Variants in CAMK2G observed in about 807,000 individuals in gnomAD.
CAMK2G encodes the protein calcium/calmodulin-dependent protein kinase type II subunit gamma.
CAMK2G carries 23 observed loss-of-function variants against 88.7 expected under a neutral mutation model. The ratio of observed to expected loss-of-function variants is 0.26; its 90% CI spans 0.19 to 0.37. CAMK2G has a LOEUF of 0.37. CAMK2G is among the 10% of genes least tolerant of loss of function. CAMK2G has a pLI of 1.00. For synonymous variants in CAMK2G, 263 were observed against 294.8 expected, an observed-to-expected ratio of 0.89 and a Z score of 1.11; for missense variants, 476 against 780.8, an observed-to-expected ratio of 0.61 and a Z score of 4.65.
rs765038148 is a variant in CAMK2G, at chr10:73,842,441, C to A, written c.903+17G>T. The A allele has an allele frequency of 6.3e-7, 1 of 1,592,114 alleles. No individual in the cohort carries two copies. The highest frequency in any genetic ancestry group is 1.1e-5 in the South Asian group (1 of 90,684). On this transcript the variant is annotated intron_variant, in intron 11 of 22. Transcript: ENST00000423381. The surrounding 1 kb of genome is among the most constrained non-coding windows in gnomAD (Gnocchi z 4.6). Reference sequence around the variant, plus strand: ...GCATGATGTCAAGGAGGCTGGCAGCCTAGAAACGACACTCACCTTCAGTTT... The same window carrying A: ...GCATGATGTCAAGGAGGCTGGCAGCATAGAAACGACACTCACCTTCAGTTT...
chr10:73,861,152 G>C (rs2095353342), intron 2 of CAMK2G, among the ~76,000 whole-genome samples: 1 of 152,142 alleles, frequency 6.6e-6, no homozygotes, highest in African/African-American at 2.4e-5. Flanking sequence ...TCAGCCTCCT[G>C]AATAGCTGGA....
At chr10:73,821,616 C>T in intron 18 of CAMK2G, 66 bp downstream of exon 18, 2 of 1,207,796 alleles carry the variant, frequency 1.7e-6, no homozygotes, top group South Asian at 2.5e-5. Context: ...AAGGCAGGTG[C>T]CCCATTGGAG....
intron 4 of CAMK2G, chr10:73,852,859 C>A (rs946107609): frequency 3.2e-6 from 1 of 314,784 alleles, no homozygotes. Context: ...TCTGATTTCT[C>A]AGGATTTTTA....
chr10:73,828,189 C>T (rs1367411941), intron 14 of CAMK2G, 68 bp from the exon 15 acceptor site: 4 of 1,348,528 alleles, frequency 3.0e-6, no homozygotes, highest in East Asian at 4.6e-5. Flanking sequence ...CACAGAGACG[C>T]TGCAGGTTAG....
At chr10:73,816,986 G>T (rs1282193391) in intron 21 of CAMK2G, 37 bp downstream of exon 21, 1 of 1,613,778 alleles carries the variant, frequency 6.2e-7, no homozygotes, top group East Asian at 2.2e-5. Context: ...GGGTAAAGGG[G>T]CAGGCAGGAG....
intron 13 of CAMK2G, among the ~76,000 whole-genome samples, chr10:73,838,716 C>T (rs2093482881): frequency 6.6e-6 from 1 of 152,184 alleles, no homozygotes; most frequent in African/African-American, 2.4e-5. Flanking sequence ...TTTAAATGTG[C>T]TGACTCCTGT....
At chr10:73,866,566 TGACTGAG>T (rs2095602762) in intron 2 of CAMK2G, among the ~76,000 whole-genome samples, 1 of 152,206 alleles carries the variant, frequency 6.6e-6, no homozygotes, top group Admixed American at 6.5e-5. Context: ...ATTCCTACTC[TGACTGAG>T]GACTCTCCCA....
intron 4 of CAMK2G, 182 bp from the exon 5 acceptor site, chr10:73,852,501 G>A: frequency 3.3e-6 from 2 of 604,860 alleles, no homozygotes; most frequent in South Asian, 2.1e-5. Context: ...TCTCCTTGAG[G>A]TATCATGGGC....
At chr10:73,845,242 G>A (rs563750698) in intron 10 of CAMK2G, among the ~76,000 whole-genome samples, 8 of 152,070 alleles carry the variant, frequency 5.3e-5, no homozygotes, top group Non-Finnish European at 1.0e-4. Flanking sequence ...ACCACCCACT[G>A]AATGTGTCTG....
chr10:73,863,508 G>T (rs1230084980), intron 2 of CAMK2G, among the ~76,000 whole-genome samples: 4 of 152,212 alleles, frequency 2.6e-5, no homozygotes, highest in Admixed American at 6.5e-5. Flanking sequence ...CAAAGCTACA[G>T]ACCCACGGCC....
intron 1 of CAMK2G, 169 bp from the exon 2 acceptor site, chr10:73,873,252 A>C: frequency 3.7e-6 from 4 of 1,068,974 alleles, no homozygotes; most frequent in Non-Finnish European, 5.4e-6. Flanking sequence ...AGGCAAAAGG[A>C]CGCGGCCACC....
At chr10:73,847,620 T>C (rs560327739) in intron 9 of CAMK2G, among the ~76,000 whole-genome samples, 1 of 152,290 alleles carries the variant, frequency 6.6e-6, no homozygotes, top group East Asian at 1.9e-4. Flanking sequence ...CCCAGCTCTA[T>C]ACTTAGGAGG....
At chr10:73,818,795 C>T in intron 19 of CAMK2G, 1 of 456,292 alleles carries the variant, frequency 2.2e-6, no homozygotes, top group Non-Finnish European at 4.4e-6. Flanking sequence ...GATGACCTGA[C>T]TGGGGCCCCA....
chr10:73,865,860 G>A (rs998726655), intron 2 of CAMK2G, among the ~76,000 whole-genome samples: 4 of 107,894 alleles, frequency 3.7e-5, no homozygotes, highest in Admixed American at 1.0e-4. Flanking sequence ...GCTCATCCCC[G>A]CCCCTCCCAC....
chr10:73,815,329 A>G, intron 21 of CAMK2G, 82 bp from the exon 22 acceptor site: 1 of 921,690 alleles, frequency 1.1e-6, no homozygotes, highest in East Asian at 2.5e-5. Flanking sequence ...TCCAAGTCTT[A>G]CCATCTCCCA....
At chr10:73,849,946 T>A (rs140057427) in intron 5 of CAMK2G, among the ~76,000 whole-genome samples, 35 of 152,236 alleles carry the variant, frequency 2.3e-4, no homozygotes, top group African/African-American at 6.5e-4. Context: ...AAACAGGGCA[T>A]TTAAGGAGCA....
rs748690173 is a variant in CAMK2G, at chr10:73,815,115, G to A, written c.1667C>T (p.Thr556Ile). 2 of 1,614,252 alleles carry A rather than the reference G, an allele frequency of 1.2e-6. No individual in the cohort carries two copies. Among genetic ancestry groups the A allele is most frequent in the East Asian group, 2.2e-5 (1 of 44,894 alleles). Reference sequence around the variant, plus strand: ...GACCCGGGTCTCTTCTGACTGGCTGGTGCGAGGCCGACCCTGCCCGTCGAT... The same window carrying A: ...GACCCGGGTCTCTTCTGACTGGCTGATGCGAGGCCGACCCTGCCCGTCGAT... ...QYIDGQGRPR[T>I]SQSEETRVWH... The change falls in exon 22 of 23, where the codon ACC (threonine) becomes ATC (isoleucine). Residue 556 changes from threonine to isoleucine, a missense_variant. Physicochemically the swap from Thr to Ile is moderately conservative, Grantham distance 89 (BLOSUM62 -1). Around this residue, in one of 3 missense-constraint regions of CAMK2G, gnomAD observed 278 missense variants for 366.5 expected, o/e 0.76. Coordinates refer to ENST00000423381, the MANE Select transcript of CAMK2G (RefSeq NM_001367534.1).
At chr10:73,818,614 C>G in intron 19 of CAMK2G, 1 of 445,258 alleles carries the variant, frequency 2.2e-6, no homozygotes, top group South Asian at 1.6e-5. Context: ...GCAGCGCAGC[C>G]AAAGGCACAT....
At chr10:73,852,469 G>A (rs766865829) in intron 4 of CAMK2G, 150 bp from the exon 5 acceptor site, 8 of 648,544 alleles carry the variant, frequency 1.2e-5, no homozygotes, top group Admixed American at 2.4e-5. Flanking sequence ...GAACACACTC[G>A]ATCCTTCAGT....
Sources: allele counts gnomAD v4.1 joint callset (sites outside exome capture counted in the v4.1 genomes callset), GRCh38; gene constraint gnomAD v4.1.1; regional missense constraint gnomAD v4.1.1; non-coding constraint Gnocchi (gnomAD v3.1); transcripts MANE v1.5; gene names NCBI Gene and HGNC (gene_info 2026-07-23, HGNC 2026-07-21).